Variants in MCF2L2 observed in about 807,000 individuals in gnomAD.
The protein encoded by MCF2L2 is probable guanine nucleotide exchange factor MCF2L2.
A neutral mutation model predicts 150.2 loss-of-function variants in MCF2L2; 102 were observed. That is an observed-to-expected ratio of 0.68 (90% CI 0.58 to 0.80). The LOEUF (loss-of-function observed/expected upper bound fraction) is 0.80. MCF2L2 is among the 30% of genes least tolerant of loss of function. The pLI, the probability that MCF2L2 is intolerant of heterozygous loss-of-function variation, is 0.00. For synonymous variants in MCF2L2, 465 were observed against 491.3 expected (o/e 0.95, Z 0.71); for missense variants, 1,256 against 1,372.8 (o/e 0.91, Z 1.34).
chr3:183,299,813 C>T (rs957624221), intron 11 of MCF2L2, 192 bp downstream of exon 11: 1 of 565,592 alleles, frequency 1.8e-6, no homozygotes, highest in Non-Finnish European at 3.0e-6. Flanking sequence ...ATGGCCAGAG[C>T]ACTTTTTACC....
At chr3:183,406,613 C>T (rs1054175094) in intron 1 of MCF2L2, among the ~76,000 whole-genome samples, 3 of 152,088 alleles carry the variant, frequency 2.0e-5, no homozygotes, top group African/African-American at 4.8e-5. Context: ...CTCAGCCTCC[C>T]GAGTAGCTGA....
At chr3:183,231,671 C>G (rs940054) in intron 15 of MCF2L2, among the ~76,000 whole-genome samples, 35,820 of 151,008 alleles carry the variant, frequency 0.24, 4,701 homozygotes, top group South Asian at 0.34. Context: ...GTTACCCAGG[C>G]TGGTCTCAAA....
chr3:183,224,258 GTTTA>G (rs1723264959), intron 18 of MCF2L2, 68 bp from the exon 19 acceptor site: 2 of 996,734 alleles, frequency 2.0e-6, no homozygotes, highest in Middle Eastern at 2.4e-4. Flanking sequence ...GGATGATACA[GTTTA>G]TTCATTCATT....
Position 183,197,590 on chromosome 3 carries a change from G to T in MCF2L2, c.2885-2335C>A, listed in dbSNP as rs1722117641. Among the ~76,000 whole-genome samples, 1 of 152,094 alleles carries T rather than the reference G, an allele frequency of 6.6e-6. No homozygotes were observed. Among genetic ancestry groups the T allele is most frequent in the Admixed American group, 6.6e-5 (1 of 15,262 alleles). Reference sequence around the variant, plus strand: ...TTCTTAGGCAGGATACCGAAAACATGATACATACAGTTTTTAAAATTAAAT... The same window carrying T: ...TTCTTAGGCAGGATACCGAAAACATTATACATACAGTTTTTAAAATTAAAT... On this transcript the variant is annotated intron_variant, in intron 25 of 29. Coordinates refer to ENST00000328913, the MANE Select transcript of MCF2L2 (RefSeq NM_015078.4). The surrounding 1 kb of genome is among the most constrained non-coding windows in gnomAD (Gnocchi z 4.5).
At chr3:183,408,927 T>C (rs535297423) in intron 1 of MCF2L2, among the ~76,000 whole-genome samples, 6 of 152,344 alleles carry the variant, frequency 3.9e-5, no homozygotes, top group South Asian at 4.1e-4. Flanking sequence ...TAAAAGTGCA[T>C]AGTGGTGCTG....
chr3:183,338,898 G>GT lies in MCF2L2; in HGVS notation c.387dup (p.Gln130ThrfsTer18), dbSNP rs1730596559. ...GATGGACGAAGGATGAATATGAGCT[G>GT]TAAGTTTCCTGGAAATGCCACCTGC... On this transcript the variant is annotated frameshift_variant, in exon 5 of 30. Transcript: ENST00000328913. LOFTEE classifies it high-confidence loss of function. 6.2e-7 allele frequency: 1 copy of GT among 1,601,206 alleles called. No individual in the cohort carries two copies. Among genetic ancestry groups the GT allele is most frequent in the Non-Finnish European group, 8.5e-7 (1 of 1,170,788 alleles).
At chr3:183,198,793 T>C (rs1007382997) in intron 25 of MCF2L2, among the ~76,000 whole-genome samples, 13 of 152,130 alleles carry the variant, frequency 8.5e-5, no homozygotes, top group African/African-American at 2.9e-4. Flanking sequence ...AACACTGACC[T>C]AGTGAGTAAG....
intron 15 of MCF2L2, 198 bp downstream of exon 15, chr3:183,276,674 C>CA (rs1727167911): frequency 4.5e-6 from 2 of 447,164 alleles, no homozygotes; most frequent in South Asian, 1.1e-4. Flanking sequence ...TCTAAGATGT[C>CA]ACTTTAAGCT....
chr3:183,219,998 T>A, intron 20 of MCF2L2, 74 bp from the exon 21 acceptor site: 1 of 1,082,932 alleles, frequency 9.2e-7, no homozygotes, highest in Non-Finnish European at 1.4e-6. Context: ...CAACAAAATC[T>A]ACTGTGCAAA....
In MCF2L2 at chr3:183,187,174, G is replaced by T. The variant is rs192296990; in HGVS notation, c.3016+5825C>A. Among the ~76,000 whole-genome samples, 174 of 152,164 alleles carry T rather than the reference G, an allele frequency of 1.1e-3. 2 individuals are homozygous for T. In the East Asian group the frequency reaches 0.028, roughly 24 times the overall value. On this transcript the variant is annotated intron_variant, in intron 27 of 29. Transcript: ENST00000328913. ...TAATGAAAGTAACTAAATTATCTAG[G>T]CCCAAAAGGAAATGCCACAAAAATT...
At chr3:183,417,115 CAAAAAAAAAAAAAAAAA>C (rs74989072) in intron 1 of MCF2L2, among the ~76,000 whole-genome samples, 4 of 44,216 alleles carry the variant, frequency 9.0e-5, no homozygotes, top group African/African-American at 2.9e-4. Flanking sequence ...GACTCTGTCT[CAAAAAAAAAAAAAAAAA>C]AAAAAAAAAA....
At chr3:183,215,602 G>C (rs555629492) in intron 22 of MCF2L2, among the ~76,000 whole-genome samples, 1 of 152,290 alleles carries the variant, frequency 6.6e-6, no homozygotes, top group African/African-American at 2.4e-5. Flanking sequence ...ACTTTTCTTA[G>C]AGAAACTCTG....
chr3:183,319,375 T>C (rs73068093), intron 6 of MCF2L2, among the ~76,000 whole-genome samples: 21,596 of 152,220 alleles, frequency 0.14, 1,693 homozygotes, highest in African/African-American at 0.2. Flanking sequence ...TCTTGAACCC[T>C]TCAAAGTCAT....
At chr3:183,334,785 C>G (rs1246749323) in intron 5 of MCF2L2, among the ~76,000 whole-genome samples, 4 of 118,640 alleles carry the variant, frequency 3.4e-5, no homozygotes, top group Non-Finnish European at 5.0e-5. Context: ...AAGAGCAAAA[C>G]TCCATTTCAA....
intron 15 of MCF2L2, among the ~76,000 whole-genome samples, chr3:183,261,345 T>C (rs1725563947): frequency 6.6e-6 from 1 of 152,212 alleles, no homozygotes; most frequent in Non-Finnish European, 1.5e-5. Flanking sequence ...GAAAAAATAC[T>C]TGGAATATAG....
intron 21 of MCF2L2, among the ~76,000 whole-genome samples, chr3:183,218,429 G>A (rs948347482): frequency 6.6e-6 from 1 of 152,212 alleles, no homozygotes; most frequent in African/African-American, 2.4e-5. Flanking sequence ...ACGAGGTCAC[G>A]AGATCGAGAC....
At chr3:183,274,798 A>G (rs1416232388) in intron 15 of MCF2L2, among the ~76,000 whole-genome samples, 1 of 152,198 alleles carries the variant, frequency 6.6e-6, no homozygotes, top group Non-Finnish European at 1.5e-5. Flanking sequence ...CCTTCCGATC[A>G]CTTCCGCATT....
chr3:183,417,494 C>T (rs1246994780), intron 1 of MCF2L2, among the ~76,000 whole-genome samples: 5 of 152,168 alleles, frequency 3.3e-5, no homozygotes, highest in African/African-American at 1.2e-4. Flanking sequence ...TATGCATTTA[C>T]AGTGTCTTAC....
At chr3:183,328,760 A>G (rs1730152827) in intron 5 of MCF2L2, among the ~76,000 whole-genome samples, 1 of 152,222 alleles carries the variant, frequency 6.6e-6, no homozygotes, top group Non-Finnish European at 1.5e-5. Context: ...AAACTGAGAG[A>G]AAATATTTGC....
Sources: gnomAD v4.1 joint callset for allele counts (sites outside exome capture counted in the v4.1 genomes callset) on GRCh38, gnomAD v4.1.1 for gene constraint, Gnocchi (gnomAD v3.1) non-coding constraint, MANE v1.5 for transcripts, NCBI Gene and HGNC (gene_info 2026-07-23, HGNC 2026-07-21) for gene names.